The following MTUS1 variants were observed in gnomAD, a reference collection of about 807,000 sequenced individuals.
The protein encoded by MTUS1 is microtubule-associated tumor suppressor 1.
A neutral mutation model predicts 120.8 loss-of-function variants in MTUS1; 109 were observed. The ratio of observed to expected loss-of-function variants is 0.90; its 90% confidence interval spans 0.77 to 1.06. The LOEUF is 1.06. Ranked by LOEUF, MTUS1 falls within the 50% of genes least tolerant of loss-of-function variation. The pLI is 0.00. For synonymous variants in MTUS1, 737 were observed against 550.5 expected, an observed-to-expected ratio of 1.34 and a Z score of -4.74; for missense variants, 2,210 against 1,486.3, an observed-to-expected ratio of 1.49 and a Z score of -8.01.
intron 6 of MTUS1, among the ~76,000 whole-genome samples, chr8:17,686,877 G>C (rs567866831): frequency 2.8e-4 from 43 of 151,916 alleles, no homozygotes; most frequent in Non-Finnish European, 5.0e-4. Flanking sequence ...TTTAACCATG[G>C]GGTAAATATA....
chr8:17,715,830 A>C lies in MTUS1; in HGVS notation c.2521T>G (p.Ser841Ala). 6.2e-7 allele frequency: 1 copy of C among 1,614,116 alleles called. No homozygotes were observed. Among genetic ancestry groups the C allele is most frequent in the Non-Finnish European group, 8.5e-7 (1 of 1,179,980 alleles). ...KPAFQNGSSG[S>A]FYLKPLVSRA... ...GATACCAAAGGCTTCAAATAAAAGGATCCTGAGGAACCATTCTGAAATGCT... is the reference window on the plus strand; with the variant it reads ...GATACCAAAGGCTTCAAATAAAAGGCTCCTGAGGAACCATTCTGAAATGCT... The change falls in exon 5 of 15, where the codon TCC (serine) becomes GCC (alanine). Residue 841 changes from serine (S) to alanine (A), a missense_variant. Coordinates refer to ENST00000693296, the MANE Select transcript of MTUS1 (RefSeq NM_001363059.2).
chr8:17,748,730 C>T lies in MTUS1; in HGVS notation c.2092-4931G>A, dbSNP rs191407713. ...CCTGCCCGCAAGAGGTTGAGCATGG[C>T]GGGCTGAATGGGGCACCCCCATCGC... On this transcript the variant is annotated intron_variant, in intron 2 of 14. Transcript: ENST00000693296. Among the ~76,000 whole-genome samples the T allele has an allele frequency of 1.7e-3, 258 of 149,216 alleles. 1 individual carries two copies. The highest frequency in any genetic ancestry group is 3.1e-3 in the Non-Finnish European group (207 of 67,492).
chr8:17,705,251 T>G (rs1006552530), intron 6 of MTUS1, among the ~76,000 whole-genome samples: 3 of 152,192 alleles, frequency 2.0e-5, no homozygotes, highest in Admixed American at 2.0e-4. Flanking sequence ...CCCAAAGTGT[T>G]GGGATTACAG....
chr8:17,766,692 T>G (rs1233287660), intron 1 of MTUS1, among the ~76,000 whole-genome samples: 1 of 152,204 alleles, frequency 6.6e-6, no homozygotes, highest in African/African-American at 2.4e-5. Context: ...GGTCTGAGAA[T>G]GTACAGCCAA....
chr8:17,656,187 C>A, intron 8 of MTUS1, 122 bp from the exon 9 acceptor site: 1 of 825,274 alleles, frequency 1.2e-6, no homozygotes, highest in Non-Finnish European at 2.0e-6. Flanking sequence ...TCTTGGGTCT[C>A]TAGTGACCAT....
intron 6 of MTUS1, among the ~76,000 whole-genome samples, chr8:17,710,068 G>C (rs975228806): frequency 6.6e-6 from 1 of 152,078 alleles, no homozygotes; most frequent in Non-Finnish European, 1.5e-5. Flanking sequence ...AAGATCATCT[G>C]AGCCTTCAGT....
At chr8:17,669,572 G>C (rs1299877408) in intron 8 of MTUS1, among the ~76,000 whole-genome samples, 2 of 152,186 alleles carry the variant, frequency 1.3e-5, no homozygotes, top group Admixed American at 6.5e-5. Context: ...CAGGCCAGGA[G>C]TGGTGGCTCA....
At chr8:17,780,674 GTC>G (rs776567129) in intron 1 of MTUS1, among the ~76,000 whole-genome samples, 1 of 152,154 alleles carries the variant, frequency 6.6e-6, no homozygotes, top group Non-Finnish European at 1.5e-5. Flanking sequence ...AGCCACCACT[GTC>G]TCTCTCTGGG....
chr8:17,763,495 C>T (rs931163873), intron 1 of MTUS1, among the ~76,000 whole-genome samples: 2 of 152,150 alleles, frequency 1.3e-5, no homozygotes, highest in Non-Finnish European at 2.9e-5. Context: ...TTGACTCACT[C>T]CATCCAGGAG....
At chr8:17,773,890 G>C (rs1586323795) in intron 1 of MTUS1, among the ~76,000 whole-genome samples, 1 of 152,076 alleles carries the variant, frequency 6.6e-6, no homozygotes, top group African/African-American at 2.4e-5. Context: ...TCAATGACTA[G>C]CATTTCTGAG....
In MTUS1 at chr8:17,784,295, GTTTTTTTT is replaced by G. The variant is rs34896566; in HGVS notation, c.-155+16758_-155+16765del. Among the ~76,000 whole-genome samples, 13 of 125,418 alleles carry G rather than the reference GTTTTTTTT, an allele frequency of 1.0e-4. No homozygotes were observed. In the Admixed American group the frequency reaches 1.1e-3, roughly 10 times the overall value. 82.3% of individuals were successfully genotyped at this position (125,418 alleles called of 152,430 possible). On this transcript the variant is annotated intron_variant, in intron 1 of 14. Coordinates refer to ENST00000693296, the MANE Select transcript of MTUS1 (RefSeq NM_001363059.2). Reference sequence around the variant, plus strand: ...AAACCCTGCTAATTTTCTTACAACTGTTTTTTTTTTTTTTTTTGAGATGGAATTTCACT... The same window carrying G: ...AAACCCTGCTAATTTTCTTACAACTGTTTTTTTTTGAGATGGAATTTCACT...
At chr8:17,647,118 A>C (rs538935142) in intron 13 of MTUS1, 39 bp from the exon 14 acceptor site, 1 of 1,247,886 alleles carries the variant, frequency 8.0e-7, no homozygotes, top group Non-Finnish European at 1.1e-6. Flanking sequence ...ATACAATATT[A>C]AAAAAAAAAC....
At chr8:17,709,191 A>G (rs1820776219) in intron 6 of MTUS1, among the ~76,000 whole-genome samples, 1 of 151,766 alleles carries the variant, frequency 6.6e-6, no homozygotes, top group South Asian at 2.1e-4. Flanking sequence ...TTCCCTGCTT[A>G]TTACACTGAG....
intron 1 of MTUS1, among the ~76,000 whole-genome samples, chr8:17,762,997 C>CTTT (rs35362554): frequency 3.4e-5 from 5 of 146,664 alleles, no homozygotes; most frequent in African/African-American, 1.0e-4. Context: ...CCAATGGTAC[C>CTTT]TTTTTTTTTT....
intron 8 of MTUS1, chr8:17,674,626 C>G (rs1812703248): frequency 1.0e-6 from 1 of 986,328 alleles, no homozygotes; most frequent in Non-Finnish European, 1.2e-6. Context: ...AACTGCAGGG[C>G]TGGGTGGTAG....
intron 5 of MTUS1, among the ~76,000 whole-genome samples, chr8:17,713,889 G>A (rs986992467): frequency 9.9e-5 from 15 of 152,106 alleles, no homozygotes; most frequent in Non-Finnish European, 1.9e-4. Flanking sequence ...CTTAAAATAC[G>A]TGGCTGTTAT....
intron 3 of MTUS1, among the ~76,000 whole-genome samples, chr8:17,728,265 C>A (rs1486991969): frequency 2.0e-5 from 3 of 152,166 alleles, no homozygotes; most frequent in Non-Finnish European, 4.4e-5. Context: ...CCACACAACA[C>A]CACACCCGGC....
At chr8:17,703,174 C>T (rs1389740371) in intron 6 of MTUS1, among the ~76,000 whole-genome samples, 3 of 152,242 alleles carry the variant, frequency 2.0e-5, no homozygotes, top group East Asian at 3.9e-4. Flanking sequence ...AGAATACAGC[C>T]ATATTTTTCT....
intron 4 of MTUS1, among the ~76,000 whole-genome samples, chr8:17,721,325 A>G (rs2045825985): frequency 6.6e-6 from 1 of 152,232 alleles, no homozygotes; most frequent in African/African-American, 2.4e-5. Context: ...ACAACTTAGG[A>G]AAATAAAGAT....
Sources: gnomAD v4.1 joint callset for allele counts (sites outside exome capture counted in the v4.1 genomes callset) on GRCh38, gnomAD v4.1.1 for gene constraint, MANE v1.5 for transcripts, NCBI Gene and HGNC (gene_info 2026-07-23, HGNC 2026-07-21) for gene names.